The following DUSP16 variants were observed in gnomAD, a reference collection of about 807,000 sequenced individuals.
The protein encoded by DUSP16 is dual specificity protein phosphatase 16.
A neutral mutation model predicts 58.3 loss-of-function variants in DUSP16; 21 were observed. The ratio of observed to expected loss-of-function variants is 0.36; its 90% confidence interval spans 0.26 to 0.52. The LOEUF is 0.52. Among genes scored for constraint, DUSP16 ranks in the 20% least tolerant of loss-of-function variants. The probability of loss-of-function intolerance (pLI) is 0.94; values close to 1 mark genes in which losing one functional copy is unlikely to be tolerated. For missense variants in DUSP16, 726 were observed against 819.0 expected, an observed-to-expected ratio of 0.89 and a Z score of 1.39; for synonymous variants, 320 against 323.8, an observed-to-expected ratio of 0.99 and a Z score of 0.12.
At chr12:12,480,086 A>T in intron 6 of DUSP16, 137 bp downstream of exon 6, 7 of 1,214,366 alleles carry the variant, frequency 5.8e-6, no homozygotes, top group Non-Finnish European at 8.1e-6. Flanking sequence ...CAAGACCATT[A>T]AAAAATCCAC....
rs929409556 is a variant in DUSP16, at chr12:12,562,591, GAGAA to G, written c.-844_-841del. On this transcript the variant is annotated 5_prime_UTR_variant, in exon 1 of 7. Transcript: ENST00000298573. ...GGGTGGGGTGGGGGGTTGGGGGAAA[GAGAA>G]AGAGTCGCTGGTCAGGAAACTTCAA... is the stretch of plus-strand genomic sequence containing the variant. Among the ~76,000 whole-genome samples, 1 of 151,924 alleles carries G rather than the reference GAGAA, an allele frequency of 6.6e-6. No homozygotes were observed. The highest frequency in any genetic ancestry group is 2.4e-5 in the African/African-American group (1 of 41,404).
chr12:12,476,632 G>A lies in DUSP16; in HGVS notation c.*201C>T, dbSNP rs1268607084. ...TTCTAGCATCTGCCCTTCCATTTTT[G>A]TTGAGAGAAGTATTAGCTGATCTCT... On this transcript the variant is annotated 3_prime_UTR_variant, in exon 7 of 7. Coordinates refer to ENST00000298573, the MANE Select transcript of DUSP16 (RefSeq NM_030640.3). 2 of 497,734 alleles carry A rather than the reference G, an allele frequency of 4.0e-6. No homozygotes were observed. The highest frequency in any genetic ancestry group is 3.6e-5 in the South Asian group (1 of 27,438). 30.8% of individuals were successfully genotyped at this position (497,734 alleles called of 1,614,324 possible). A position where few individuals can be genotyped will look rare whatever the true frequency, so the allele number is the denominator to read the frequency against.
At chr12:12,486,138 G>A (rs1943678342) in intron 5 of DUSP16, among the ~76,000 whole-genome samples, 1 of 151,970 alleles carries the variant, frequency 6.6e-6, no homozygotes, top group Non-Finnish European at 1.5e-5. Flanking sequence ...TTTAATTATG[G>A]TAATGGTAAC....
At position 12,487,079 on chromosome 12, in the gene DUSP16, T is replaced by C. The variant is rs1297431396; in HGVS notation, c.640A>G (p.Ser214Gly). ...SHFLRVPVND[S>G]FCEKILPWLD... ...CACGGCAAAATTTTCTCACAAAAGCTGTCATTCACAGGCACACGCAGGAAA... is the reference window on the plus strand; with the variant it reads ...CACGGCAAAATTTTCTCACAAAAGCCGTCATTCACAGGCACACGCAGGAAA... Residue 214 changes from serine (S) to glycine (G), a missense_variant, in exon 5 of 7, where the codon AGC (serine) becomes GGC (glycine). Transcript: ENST00000298573. The C allele has an allele frequency of 6.2e-7, 1 of 1,614,158 alleles. No homozygotes were observed. The highest frequency in any genetic ancestry group is 1.7e-5 in the Admixed American group (1 of 60,022).
intron 4 of DUSP16, among the ~76,000 whole-genome samples, chr12:12,499,031 CT>C (rs1457431372): frequency 6.6e-6 from 1 of 152,066 alleles, no homozygotes; most frequent in Non-Finnish European, 1.5e-5. Flanking sequence ...CTGCTGTCAC[CT>C]TTTTTAACCA....
At position 12,473,433 on chromosome 12, in the gene DUSP16, T is replaced by C. The variant is rs1943354249; in HGVS notation, c.*3400A>G. On this transcript the variant is annotated 3_prime_UTR_variant, in exon 7 of 7. Coordinates refer to ENST00000298573, the MANE Select transcript of DUSP16 (RefSeq NM_030640.3). The stretch of plus-strand genomic sequence containing the variant: ...GATCTGCATCTTCTCATTGGAAGCC[T>C]CTCACTGAAACAACTGTTCCTCCTG... 6.6e-6 allele frequency among the ~76,000 whole-genome samples: 1 copy of C among 152,172 alleles called. No individual in the cohort carries two copies. Among genetic ancestry groups the C allele is most frequent in the Non-Finnish European group, 1.5e-5 (1 of 68,036 alleles).
intron 1 of DUSP16, among the ~76,000 whole-genome samples, chr12:12,533,242 ATCAT>A (rs1223721700): frequency 1.3e-5 from 2 of 152,350 alleles, no homozygotes; most frequent in East Asian, 1.9e-4. Flanking sequence ...CTTGTAAAAG[ATCAT>A]TCAATTTATA....
intron 1 of DUSP16, among the ~76,000 whole-genome samples, chr12:12,558,194 T>A (rs1471122737): frequency 6.6e-6 from 1 of 152,262 alleles, no homozygotes; most frequent in Non-Finnish European, 1.5e-5. Flanking sequence ...GCTTGATTCC[T>A]ATCAGTAGTT....
chr12:12,549,430 G>C (rs1944694165), intron 1 of DUSP16, among the ~76,000 whole-genome samples: 1 of 152,050 alleles, frequency 6.6e-6, no homozygotes, highest in Non-Finnish European at 1.5e-5. Context: ...GCTGATCCTG[G>C]AGTCTTCCTC....
chr12:12,498,588 T>C (rs908478834), intron 4 of DUSP16, among the ~76,000 whole-genome samples: 1 of 151,962 alleles, frequency 6.6e-6, no homozygotes, highest in Non-Finnish European at 1.5e-5. Flanking sequence ...CTAATTTTTG[T>C]AATTTTTGTA....
chr12:12,484,895 A>T (rs1943650511), intron 5 of DUSP16, among the ~76,000 whole-genome samples: 1 of 152,124 alleles, frequency 6.6e-6, no homozygotes. Context: ...TACAGGCGTA[A>T]GCCACCATGC....
chr12:12,490,365 A>C (rs1286909302), intron 4 of DUSP16, among the ~76,000 whole-genome samples: 3 of 152,138 alleles, frequency 2.0e-5, no homozygotes, highest in Non-Finnish European at 4.4e-5. Context: ...GTAAGATGGG[A>C]CTTGATAAAT....
chr12:12,507,669 G>T (rs1287165356), intron 3 of DUSP16, among the ~76,000 whole-genome samples: 1 of 152,170 alleles, frequency 6.6e-6, no homozygotes, highest in Non-Finnish European at 1.5e-5. Flanking sequence ...GAGTGCAATG[G>T]TGCGATCTCC....
intron 3 of DUSP16, among the ~76,000 whole-genome samples, chr12:12,514,673 T>C (rs1944122322): frequency 6.6e-6 from 1 of 152,126 alleles, no homozygotes; most frequent in Admixed American, 6.5e-5. Flanking sequence ...TGTAATTTCT[T>C]TTTTCTTCTT....
chr12:12,559,724 GC>G (rs542421779), intron 1 of DUSP16, among the ~76,000 whole-genome samples: 58 of 152,276 alleles, frequency 3.8e-4, no homozygotes, highest in African/African-American at 1.3e-3. Flanking sequence ...AATCCCATAT[GC>G]TAAACACTGT....
chr12:12,519,937 G>C lies in DUSP16; in HGVS notation c.292C>G (p.Leu98Val). The change falls in exon 3 of 7, where the codon CTC becomes GTC. Residue 98 changes from leucine to valine, a missense_variant. Coordinates refer to ENST00000298573, the MANE Select transcript of DUSP16 (RefSeq NM_030640.3). ...ACAGTGAGAAAACAGTCTGAAGAGAGAGAGGCAACATCTTGGGAGCTTTGA... is the reference window on the plus strand; with the variant it reads ...ACAGTGAGAAAACAGTCTGAAGAGACAGAGGCAACATCTTGGGAGCTTTGA... ...YDQSSQDVAS[L>V]SSDCFLTVLL... 6.2e-7 allele frequency: 1 copy of C among 1,614,112 alleles called. No individual in the cohort carries two copies. The highest frequency in any genetic ancestry group is 8.5e-7 in the Non-Finnish European group (1 of 1,179,980).
intron 3 of DUSP16, among the ~76,000 whole-genome samples, chr12:12,501,994 A>C (rs1405064989): frequency 6.6e-6 from 1 of 151,490 alleles, no homozygotes; most frequent in Non-Finnish European, 1.5e-5. Context: ...CGTCTCAAAA[A>C]CAAAAATAAA....
At chr12:12,548,146 G>T (rs1944674280) in intron 1 of DUSP16, among the ~76,000 whole-genome samples, 1 of 152,080 alleles carries the variant, frequency 6.6e-6, no homozygotes, top group African/African-American at 2.4e-5. Context: ...AAAGAAAAAG[G>T]CATCCTACAA....
chr12:12,512,543 T>G (rs1346956271), intron 3 of DUSP16, among the ~76,000 whole-genome samples: 1 of 152,206 alleles, frequency 6.6e-6, no homozygotes, highest in Non-Finnish European at 1.5e-5. Flanking sequence ...TTTGACTCTT[T>G]TAGATCCACA....
Sources: allele counts gnomAD v4.1 joint callset (sites outside exome capture counted in the v4.1 genomes callset), GRCh38; gene constraint gnomAD v4.1.1; transcripts MANE v1.5; gene names NCBI Gene and HGNC (gene_info 2026-07-23, HGNC 2026-07-21).